Variants in GALNT18 observed in about 807,000 individuals in gnomAD.
The protein encoded by GALNT18 is GalNAc-transferase 18.
In GALNT18, 44 loss-of-function variants were observed where a neutral mutation model predicts 69.5. The ratio of observed to expected loss-of-function variants is 0.63; its 90% CI spans 0.50 to 0.81. The LOEUF (loss-of-function observed/expected upper bound fraction) is 0.81. Ranked by LOEUF, GALNT18 falls within the 40% of genes least tolerant of loss-of-function variation. GALNT18 has a pLI of 0.00. For missense variants in GALNT18, 715 were observed against 810.0 expected, an observed-to-expected ratio of 0.88 and a Z score of 1.42; for synonymous variants, 364 against 318.2, an observed-to-expected ratio of 1.14 and a Z score of -1.53.
At chr11:11,285,871 G>C (rs1849182899) in intron 10 of GALNT18, among the ~76,000 whole-genome samples, 1 of 152,190 alleles carries the variant, frequency 6.6e-6, no homozygotes, top group Admixed American at 6.5e-5. Flanking sequence ...TACTCATCTT[G>C]CATCAAATTA....
chr11:11,395,602 G>A (rs1261327645), intron 3 of GALNT18, among the ~76,000 whole-genome samples: 1 of 152,212 alleles, frequency 6.6e-6, no homozygotes, highest in Non-Finnish European at 1.5e-5. Context: ...GTGGCAAATA[G>A]AAGTGGCCAC....
Position 11,601,469 on chromosome 11 carries a change from C to G in GALNT18, c.235+19890G>C, listed in dbSNP as rs1379286487. Among the ~76,000 whole-genome samples, 1 of 152,220 alleles carries G rather than the reference C, an allele frequency of 6.6e-6. No homozygotes were observed. The highest frequency in any genetic ancestry group is 1.5e-5 in the Non-Finnish European group (1 of 68,048). On this transcript the variant is annotated intron_variant, in intron 1 of 10. Transcript: ENST00000227756. The surrounding 1 kb of genome is among the most constrained non-coding windows in gnomAD (Gnocchi z 4.0). ...GAGCTCCTTTTAACTGTCTCTATTG[C>G]TTATCTCCCTGTTACATTTCTGGCT...
intron 10 of GALNT18, among the ~76,000 whole-genome samples, chr11:11,278,503 TATA>T (rs945103375): frequency 1.3e-4 from 20 of 151,728 alleles, no homozygotes; most frequent in African/African-American, 4.8e-4. Context: ...CCCCAGAACT[TATA>T]GTATAAAAAA....
intron 1 of GALNT18, among the ~76,000 whole-genome samples, chr11:11,512,043 A>G (rs1454749238): frequency 2.6e-5 from 4 of 152,236 alleles, no homozygotes; most frequent in African/African-American, 9.7e-5. Flanking sequence ...GTATACATAT[A>G]CATACACAGA....
rs145433877 is a variant in GALNT18 at position 11,541,800 on chromosome 11, G to T, written c.235+79559C>A. Among the ~76,000 whole-genome samples, 1 of 151,398 alleles carries T rather than the reference G, an allele frequency of 6.6e-6. No homozygotes were observed. The highest frequency in any genetic ancestry group is 2.4e-5 in the African/African-American group (1 of 41,074). Reference sequence around the variant, plus strand: ...ACTACCCTCTCCTGGAACTTTCCACGTGAGCCTAGGGCACAAGCCAAGCCC... The same window carrying T: ...ACTACCCTCTCCTGGAACTTTCCACTTGAGCCTAGGGCACAAGCCAAGCCC... On this transcript the variant is annotated intron_variant, in intron 1 of 10. Transcript: ENST00000227756. This position sits in a 1 kb window ranked among gnomAD's most constrained non-coding sequence, Gnocchi z 4.8.
At chr11:11,391,905 A>G (rs1405751541) in intron 3 of GALNT18, among the ~76,000 whole-genome samples, 2 of 152,256 alleles carry the variant, frequency 1.3e-5, no homozygotes, top group East Asian at 1.9e-4. Flanking sequence ...CAGCCCTGAC[A>G]GATCTGCTAC....
At chr11:11,440,069 A>T (rs1482319918) in intron 2 of GALNT18, among the ~76,000 whole-genome samples, 1 of 152,240 alleles carries the variant, frequency 6.6e-6, no homozygotes, top group Non-Finnish European at 1.5e-5. Flanking sequence ...CTGATGAGTA[A>T]ACTGCTAAGT....
At chr11:11,608,366 TG>T (rs747577956) in intron 1 of GALNT18, among the ~76,000 whole-genome samples, 3 of 151,788 alleles carry the variant, frequency 2.0e-5, no homozygotes, top group Admixed American at 1.3e-4. Context: ...TTTTGTTTTT[TG>T]GTTTTTTTTT....
rs1854324815 is a variant in GALNT18, at chr11:11,396,276, C to T, written c.596-17012G>A. On this transcript the variant is annotated intron_variant, in intron 3 of 10. Coordinates refer to ENST00000227756, the MANE Select transcript of GALNT18 (RefSeq NM_198516.3). The surrounding 1 kb of genome is among the most constrained non-coding windows in gnomAD (Gnocchi z 5.2). Reference sequence around the variant, plus strand: ...GTTCGCAAACAGTGTTTGGCTTTCTCGATTCTGGCCTGGGATCCACAAGAC... The same window carrying T: ...GTTCGCAAACAGTGTTTGGCTTTCTTGATTCTGGCCTGGGATCCACAAGAC... Among the ~76,000 whole-genome samples the T allele has an allele frequency of 6.6e-6, 1 of 152,124 alleles. No individual in the cohort carries two copies. The highest frequency in any genetic ancestry group is 6.5e-5 in the Admixed American group (1 of 15,272).
At chr11:11,610,603 T>C (rs75706316) in intron 1 of GALNT18, among the ~76,000 whole-genome samples, 20,536 of 152,216 alleles carry the variant, frequency 0.13, 1,806 homozygotes, top group Middle Eastern at 0.21. Flanking sequence ...GGATTCTTCT[T>C]CTAATATAAA....
rs1857836114 is a variant in GALNT18, at chr11:11,538,541, G to T, written c.235+82818C>A. ...CAGCAACTAGTGTGAACTTTTCCCT[G>T]CTTGCACCAACAACCCGATAGCCCT... On this transcript the variant is annotated intron_variant, in intron 1 of 10. Coordinates refer to ENST00000227756, the MANE Select transcript of GALNT18 (RefSeq NM_198516.3). The surrounding 1 kb of genome is among the most constrained non-coding windows in gnomAD (Gnocchi z 5.2). Among the ~76,000 whole-genome samples the T allele has an allele frequency of 6.6e-6, 1 of 152,164 alleles. No homozygotes were observed. Among genetic ancestry groups the T allele is most frequent in the Non-Finnish European group, 1.5e-5 (1 of 68,038 alleles).
chr11:11,427,156 G>C (rs1237805897), intron 3 of GALNT18, among the ~76,000 whole-genome samples: 1 of 152,166 alleles, frequency 6.6e-6, no homozygotes, highest in Admixed American at 6.5e-5. Flanking sequence ...TGATAGATCG[G>C]AGCCAGCCCC....
rs574555956 is a variant in GALNT18, at chr11:11,552,511, A to G, written c.235+68848T>C. Reference sequence around the variant, plus strand: ...GCTATTGAGTAAATGCAAACAGCATATGGGCAGCATAGTTTTCAAATCCCA... The same window carrying G: ...GCTATTGAGTAAATGCAAACAGCATGTGGGCAGCATAGTTTTCAAATCCCA... On this transcript the variant is annotated intron_variant, in intron 1 of 10. Coordinates refer to ENST00000227756, the MANE Select transcript of GALNT18 (RefSeq NM_198516.3). 1.4e-4 allele frequency among the ~76,000 whole-genome samples: 21 copies of G among 152,346 alleles called. No homozygotes were observed. The East Asian group carries it at 2.9e-3, about 21-fold the overall frequency.
chr11:11,598,192 T>A lies in GALNT18; in HGVS notation c.235+23167A>T, dbSNP rs939053100. On this transcript the variant is annotated intron_variant, in intron 1 of 10. Transcript: ENST00000227756. The surrounding 1 kb of genome is among the most constrained non-coding windows in gnomAD (Gnocchi z 4.8). The stretch of plus-strand genomic sequence containing the variant: ...ATCTATAACAAATTACTATAATCTA[T>A]AATAAATTACTATAATCTATAATAA... Among the ~76,000 whole-genome samples the A allele has an allele frequency of 6.6e-6, 1 of 152,044 alleles. No individual in the cohort carries two copies. Among genetic ancestry groups the A allele is most frequent in the African/African-American group, 2.4e-5 (1 of 41,422 alleles).
rs2133038032 is a variant in GALNT18 at position 11,320,217 on chromosome 11, AT to A, written c.1512+6868del. Among the ~76,000 whole-genome samples, 1 of 152,298 alleles carries A rather than the reference AT, an allele frequency of 6.6e-6. No individual in the cohort carries two copies. Among genetic ancestry groups the A allele is most frequent in the South Asian group, 2.1e-4 (1 of 4,820 alleles). On this transcript the variant is annotated intron_variant, in intron 9 of 10. Transcript: ENST00000227756. The surrounding 1 kb of genome is among the most constrained non-coding windows in gnomAD (Gnocchi z 4.9). ...ATTTTCAGGCTTCCTATCAAGTGTGATGCTTAGGGAGGAATATGTAAGTTTT... is the reference window on the plus strand; with the variant it reads ...ATTTTCAGGCTTCCTATCAAGTGTGAGCTTAGGGAGGAATATGTAAGTTTT...
chr11:11,392,362 G>A, intron 3 of GALNT18, among the ~76,000 whole-genome samples: 1 of 152,230 alleles, frequency 6.6e-6, no homozygotes, highest in East Asian at 1.9e-4. Context: ...CATTTAGCCT[G>A]TAATCCCAGC....
Position 11,528,187 on chromosome 11 carries a change from A to G in GALNT18, c.236-79251T>C, listed in dbSNP as rs551523232. 2.0e-5 allele frequency among the ~76,000 whole-genome samples: 3 copies of G among 152,342 alleles called. No homozygotes were observed. In the East Asian group the frequency reaches 5.8e-4, roughly 29 times the overall value. ...GAGGAAGGCCACCCAAGCAAACTGA[A>G]TGACATGGATAAAGGCATGGAAATG... On this transcript the variant is annotated intron_variant, in intron 1 of 10. Coordinates refer to ENST00000227756, the MANE Select transcript of GALNT18 (RefSeq NM_198516.3).
In GALNT18 at chr11:11,463,162, C is replaced by T. The variant is rs767145442; in HGVS notation, c.236-14226G>A. On this transcript the variant is annotated intron_variant, in intron 1 of 10. Coordinates refer to ENST00000227756, the MANE Select transcript of GALNT18 (RefSeq NM_198516.3). The surrounding 1 kb of genome is among the most constrained non-coding windows in gnomAD (Gnocchi z 4.2). ...GGGTTCCTGCTTCCCTCAGTTATCA[C>T]TGGCTGTATCCTCACACATGGACAT... 3.3e-5 allele frequency among the ~76,000 whole-genome samples: 5 copies of T among 152,196 alleles called. No homozygotes were observed. Among genetic ancestry groups the T allele is most frequent in the African/African-American group, 9.6e-5 (4 of 41,526 alleles).
At chr11:11,567,293 G>C (rs1459905973) in intron 1 of GALNT18, among the ~76,000 whole-genome samples, 1 of 152,198 alleles carries the variant, frequency 6.6e-6, no homozygotes, top group Non-Finnish European at 1.5e-5. Flanking sequence ...ATCCCATAGA[G>C]TGGGATTTCC....
Sources: allele counts gnomAD v4.1 joint callset (sites outside exome capture counted in the v4.1 genomes callset), GRCh38; gene constraint gnomAD v4.1.1; non-coding constraint Gnocchi (gnomAD v3.1); transcripts MANE v1.5; gene names NCBI Gene and HGNC (gene_info 2026-07-23, HGNC 2026-07-21).